Variants in PDE1A observed in about 807,000 individuals in gnomAD.
PDE1A encodes phosphodiesterase 1A, also known as dual specificity calcium/calmodulin-dependent 3',5'-cyclic nucleotide phosphodiesterase 1A.
A neutral mutation model predicts 61.7 loss-of-function variants in PDE1A; 35 were observed. The ratio of observed to expected loss-of-function variants is 0.57; its 90% CI spans 0.43 to 0.75. PDE1A has a LOEUF of 0.75. Ranked by LOEUF, PDE1A falls within the 30% of genes least tolerant of loss-of-function variation. PDE1A has a pLI of 0.00. For missense variants in PDE1A, 597 were observed against 630.6 expected (o/e 0.95, Z 0.57); for synonymous variants, 232 against 213.2 (o/e 1.09, Z -0.77).
At chr2:182,234,546 G>T in intron 3 of PDE1A, 48 bp from the exon 4 acceptor site, 2 of 1,194,524 alleles carry the variant, frequency 1.7e-6, no homozygotes, top group Non-Finnish European at 2.5e-6. Flanking sequence ...TTTATTCAAA[G>T]TTTTCAACTA....
chr2:182,467,150 G>A (rs1236389525), intron 2 of PDE1A, among the ~76,000 whole-genome samples: 2 of 150,718 alleles, frequency 1.3e-5, no homozygotes, highest in African/African-American at 4.9e-5. Context: ...GAGGGAGAGA[G>A]GAAGGGAGGG....
chr2:182,604,370 T>C, the PDE1A span, among the ~76,000 whole-genome samples: 2 of 152,196 alleles, frequency 1.3e-5, no homozygotes, highest in African/African-American at 4.8e-5. Flanking sequence ...GGAAATTTGC[T>C]ATTTCTTGAA....
chr2:182,637,978 G>A, the PDE1A span, among the ~76,000 whole-genome samples: 1 of 152,176 alleles, frequency 6.6e-6, no homozygotes, highest in African/African-American at 2.4e-5. Flanking sequence ...AACTATCACA[G>A]ACGGGAAGAA....
At chr2:182,326,212 C>T (rs916464101) in intron 1 of PDE1A, among the ~76,000 whole-genome samples, 5 of 152,014 alleles carry the variant, frequency 3.3e-5, no homozygotes, top group African/African-American at 1.2e-4. Context: ...AAATGGTGGA[C>T]CCATATCTAC....
At chr2:182,624,012 C>T in the PDE1A span, among the ~76,000 whole-genome samples, 1 of 151,122 alleles carries the variant, frequency 6.6e-6, no homozygotes, top group Non-Finnish European at 1.5e-5. Flanking sequence ...GTAGTCCCAG[C>T]TACTCGGGAG....
chr2:182,482,923 G>T (rs904977627), intron 2 of PDE1A, among the ~76,000 whole-genome samples: 4 of 151,906 alleles, frequency 2.6e-5, no homozygotes, highest in African/African-American at 9.7e-5. Flanking sequence ...GCAAAGACCA[G>T]ATCCAACCAA....
At chr2:182,167,871 A>T, downstream of PDE1A, 1 of 1,029,032 alleles carries the variant, frequency 9.7e-7, no homozygotes, top group Non-Finnish European at 1.2e-6. Flanking sequence ...CGTTTAGAAA[A>T]GGGACAATCT....
chr2:182,191,706 T>A (rs2125422637), intron 10 of PDE1A, among the ~76,000 whole-genome samples: 1 of 151,000 alleles, frequency 6.6e-6, no homozygotes, highest in East Asian at 1.9e-4. Flanking sequence ...TTTAACTTTT[T>A]TTTTTTTTTT....
At chr2:182,286,120 T>C (rs984212637) in intron 1 of PDE1A, among the ~76,000 whole-genome samples, 7 of 152,078 alleles carry the variant, frequency 4.6e-5, no homozygotes, top group African/African-American at 1.7e-4. Flanking sequence ...GCAAAGAATG[T>C]TTTCCTTATT....
At position 182,424,168 on chromosome 2, in the gene PDE1A, CT is replaced by C. The variant is rs1703461476; in HGVS notation, c.53+2409del. ...CCATGTTGCCCAGGGTAGTCTCAAA[CT>C]CCTGAACTCAGGCGATCCACTCACC... is the stretch of plus-strand genomic sequence containing the variant. On this transcript the variant is annotated intron_variant, in intron 1 of 13. Coordinates refer to ENST00000351439, the Ensembl canonical transcript of PDE1A. 6.6e-5 allele frequency among the ~76,000 whole-genome samples: 10 copies of C among 152,130 alleles called. No homozygotes were observed. In the South Asian group the frequency reaches 2.1e-3, roughly 32 times the overall value.
Position 182,426,559 on chromosome 2 carries a change from G to T in PDE1A, c.53+19C>A, listed in dbSNP as rs368821341. Reference sequence around the variant, plus strand: ...GTTCCTGACAGCCCTAGAGCCACCTGCGATGTAGCATTACTTACCTAAAGA... The same window carrying T: ...GTTCCTGACAGCCCTAGAGCCACCTTCGATGTAGCATTACTTACCTAAAGA... On this transcript the variant is annotated intron_variant, in intron 1 of 13. Transcript: ENST00000351439. 379 of 1,533,058 alleles carry T rather than the reference G, an allele frequency of 2.5e-4. 1 individual carries two copies. Among genetic ancestry groups the T allele is most frequent in the Middle Eastern group, 6.8e-4 (4 of 5,900 alleles). 95.0% of individuals were successfully genotyped at this position (1,533,058 alleles called of 1,614,324 possible).
At chr2:182,445,616 G>T (rs1685083849) in intron 2 of PDE1A, among the ~76,000 whole-genome samples, 1 of 152,016 alleles carries the variant, frequency 6.6e-6, no homozygotes, top group Admixed American at 6.5e-5. Context: ...CATAACACAG[G>T]ACTATAATTC....
intron 1 of PDE1A, among the ~76,000 whole-genome samples, chr2:182,357,315 A>G (rs1329454173): frequency 6.6e-6 from 1 of 152,158 alleles, no homozygotes; most frequent in African/African-American, 2.4e-5. Context: ...AGAAATGGGT[A>G]AAGGAAAACC....
At chr2:182,392,737 G>A (rs1365884542) in intron 1 of PDE1A, among the ~76,000 whole-genome samples, 1 of 152,198 alleles carries the variant, frequency 6.6e-6, no homozygotes, top group Non-Finnish European at 1.5e-5. Flanking sequence ...CAAAATGAAG[G>A]GGCCACAGGC....
At chr2:182,376,346 C>T (rs1574487622) in intron 1 of PDE1A, among the ~76,000 whole-genome samples, 1 of 152,178 alleles carries the variant, frequency 6.6e-6, no homozygotes. Context: ...AGATTCCCTA[C>T]ATCATCTCTC....
intron 2 of PDE1A, among the ~76,000 whole-genome samples, chr2:182,436,474 G>T (rs1684420598): frequency 6.6e-6 from 1 of 151,918 alleles, no homozygotes; most frequent in South Asian, 2.1e-4. Context: ...ATCATCTACT[G>T]CATGGCTCGA....
At chr2:182,247,868 T>C (rs1025167739) in intron 2 of PDE1A, among the ~76,000 whole-genome samples, 14 of 152,208 alleles carry the variant, frequency 9.2e-5, no homozygotes, top group African/African-American at 3.4e-4. Flanking sequence ...TCAACTATCA[T>C]AGTTAATTTT....
At chr2:182,673,404 A>C in the PDE1A span, among the ~76,000 whole-genome samples, 1 of 152,216 alleles carries the variant, frequency 6.6e-6, no homozygotes, top group Non-Finnish European at 1.5e-5. Context: ...TACGAAGCAC[A>C]AAGAGGTAAG....
chr2:182,548,542 C>G, the PDE1A span, among the ~76,000 whole-genome samples: 134 of 152,282 alleles, frequency 8.8e-4, 1 homozygote, highest in African/African-American at 2.9e-3. Flanking sequence ...AAAACACACA[C>G]AGACCAAGGA....
Sources: allele counts gnomAD v4.1 joint callset (sites outside exome capture counted in the v4.1 genomes callset), GRCh38; gene constraint gnomAD v4.1.1; transcripts MANE v1.5; gene names NCBI Gene and HGNC (gene_info 2026-07-23, HGNC 2026-07-21).